CA10: variants seen among roughly 807,000 people sequenced by gnomAD.
The protein encoded by CA10 is carbonic anhydrase 10 (inactive), also known as carbonic anhydrase-related protein 10.
A neutral mutation model predicts 44.2 loss-of-function variants in CA10; 14 were observed. The observed-to-expected ratio is 0.32, with a 90% CI of 0.21 to 0.50. The LOEUF is 0.50. Ranked by LOEUF, CA10 falls within the 20% of genes least tolerant of loss-of-function variation. The probability of loss-of-function intolerance (pLI) is 0.99; values close to 1 mark genes in which losing one functional copy is unlikely to be tolerated. For missense variants in CA10, 350 were observed against 409.7 expected, an observed-to-expected ratio of 0.85 and a Z score of 1.26; for synonymous variants, 159 against 141.6, an observed-to-expected ratio of 1.12 and a Z score of -0.87.
chr17:52,034,659 G>A lies in CA10; in HGVS notation c.136+37660C>T, dbSNP rs58726583. ...TCCAGCTCAACCACTTCACCAGTGC[G>A]TGACACCTTGGGAGAATGATTTTAC... On this transcript the variant is annotated intron_variant, in intron 2 of 8. Transcript: ENST00000451037. Among the ~76,000 whole-genome samples, 1,428 of 152,188 alleles carry A rather than the reference G, an allele frequency of 9.4e-3. 29 individuals carry two copies. Among genetic ancestry groups the A allele is most frequent in the African/African-American group, 0.033 (1,362 of 41,532 alleles).
At chr17:51,765,739 G>T (rs1333823272) in intron 3 of CA10, among the ~76,000 whole-genome samples, 1 of 151,224 alleles carries the variant, frequency 6.6e-6, no homozygotes, top group Non-Finnish European at 1.5e-5. Flanking sequence ...GTGTGTGCAT[G>T]CATGTGTTTA....
At chr17:51,845,127 C>G (rs780357794) in intron 3 of CA10, among the ~76,000 whole-genome samples, 1 of 152,212 alleles carries the variant, frequency 6.6e-6, no homozygotes, top group African/African-American at 2.4e-5. Context: ...TCAGAGGGAG[C>G]ACAGCTCTGC....
At chr17:51,734,162 G>A (rs1284609856) in intron 4 of CA10, among the ~76,000 whole-genome samples, 2 of 125,142 alleles carry the variant, frequency 1.6e-5, no homozygotes, top group Non-Finnish European at 3.2e-5. Context: ...TACAAAGTGT[G>A]TACTCAATCT....
chr17:52,014,669 C>T (rs1293281323), intron 2 of CA10, among the ~76,000 whole-genome samples: 1 of 151,876 alleles, frequency 6.6e-6, no homozygotes, highest in Admixed American at 6.6e-5. Context: ...AAGTTAAATG[C>T]CTGAGACTGG....
intron 1 of CA10, among the ~76,000 whole-genome samples, chr17:52,111,724 G>T (rs988367411): frequency 5.3e-5 from 8 of 152,126 alleles, no homozygotes; most frequent in African/African-American, 9.7e-5. Flanking sequence ...GATTTATAAA[G>T]GTCAATTATT....
intron 3 of CA10, among the ~76,000 whole-genome samples, chr17:51,918,620 G>A (rs1468290735): frequency 6.6e-6 from 1 of 152,174 alleles, no homozygotes; most frequent in African/African-American, 2.4e-5. Flanking sequence ...ATCCTATCAA[G>A]TGTTACATCT....
chr17:52,101,076 G>T (rs76552040), intron 1 of CA10, among the ~76,000 whole-genome samples: 2 of 152,022 alleles, frequency 1.3e-5, no homozygotes, highest in Admixed American at 6.5e-5. Flanking sequence ...TTCTAGTCTC[G>T]ACAACCCTGA....
chr17:52,125,644 G>A (rs995481734), intron 1 of CA10, among the ~76,000 whole-genome samples: 1 of 152,072 alleles, frequency 6.6e-6, no homozygotes. Context: ...CCTAGTTTGG[G>A]GATGAAGGTG....
chr17:52,083,243 T>C (rs1353630999), intron 1 of CA10, among the ~76,000 whole-genome samples: 1 of 151,000 alleles, frequency 6.6e-6, no homozygotes, highest in Non-Finnish European at 1.5e-5. Context: ...CTTGTATCTC[T>C]CTTAAGCTTG....
chr17:52,006,414 T>A (rs1407818807), intron 2 of CA10, among the ~76,000 whole-genome samples: 1 of 151,902 alleles, frequency 6.6e-6, no homozygotes, highest in African/African-American at 2.4e-5. Context: ...GTGCTTCTAC[T>A]CAGATTTAGC....
At chr17:51,940,816 C>T (rs974767535) in intron 2 of CA10, among the ~76,000 whole-genome samples, 1 of 152,080 alleles carries the variant, frequency 6.6e-6, no homozygotes, top group Non-Finnish European at 1.5e-5. Flanking sequence ...TTAAGCCAAA[C>T]ATGTTTTCTT....
At chr17:51,908,511 T>A (rs1598111822) in intron 3 of CA10, among the ~76,000 whole-genome samples, 1 of 152,202 alleles carries the variant, frequency 6.6e-6, no homozygotes, top group East Asian at 1.9e-4. Context: ...AGTTCCTGCC[T>A]GCTAGATTTG....
chr17:52,094,459 G>A (rs1988352816), intron 1 of CA10, among the ~76,000 whole-genome samples: 1 of 152,046 alleles, frequency 6.6e-6, no homozygotes, highest in South Asian at 2.1e-4. Context: ...CAATTAATTG[G>A]ACTTCTTTAA....
intron 1 of CA10, among the ~76,000 whole-genome samples, chr17:52,098,051 T>G (rs932317475): frequency 6.6e-6 from 1 of 152,184 alleles, no homozygotes; most frequent in Non-Finnish European, 1.5e-5. Context: ...CAGGACCTTA[T>G]GCCTGTGCTG....
intron 4 of CA10, among the ~76,000 whole-genome samples, chr17:51,686,258 G>A (rs924876754): frequency 2.0e-5 from 3 of 152,166 alleles, no homozygotes; most frequent in African/African-American, 7.2e-5. Flanking sequence ...TCCCAGCTAT[G>A]TGGACCTGTG....
chr17:51,766,865 G>A (rs1905404674), intron 3 of CA10, among the ~76,000 whole-genome samples: 1 of 152,174 alleles, frequency 6.6e-6, no homozygotes, highest in South Asian at 2.1e-4. Context: ...GTTTACTTAA[G>A]GTGAGAAGTG....
intron 2 of CA10, among the ~76,000 whole-genome samples, chr17:51,977,102 T>G (rs1237857056): frequency 6.6e-6 from 1 of 152,036 alleles, no homozygotes; most frequent in South Asian, 2.1e-4. Flanking sequence ...TGGTGAATAC[T>G]ATCAAATATT....
rs1026534932 is a variant in CA10 at position 51,869,866 on chromosome 17, T to C, written c.279+61124A>G. On this transcript the variant is annotated intron_variant, in intron 3 of 8. Coordinates refer to ENST00000451037, the MANE Select transcript of CA10 (RefSeq NM_020178.5). The stretch of plus-strand genomic sequence containing the variant: ...TGTCCTCAACTACCCAAAGTGGTGT[T>C]TCTTACTACATTATTTGTGCTCCTA... Among the ~76,000 whole-genome samples, 3 of 152,220 alleles carry C rather than the reference T, an allele frequency of 2.0e-5. No homozygotes were observed. The East Asian group carries it at 5.8e-4, about 29-fold the overall frequency.
intron 3 of CA10, chr17:51,761,679 T>C (rs921217565): frequency 6.6e-6 from 1 of 152,206 alleles, no homozygotes; most frequent in African/African-American, 2.4e-5. Flanking sequence ...TTAATGACTA[T>C]GCATTTGGTA....
Sources: gnomAD v4.1 joint callset for allele counts (sites outside exome capture counted in the v4.1 genomes callset) on GRCh38, gnomAD v4.1.1 for gene constraint, MANE v1.5 for transcripts, NCBI Gene and HGNC (gene_info 2026-07-23, HGNC 2026-07-21) for gene names.